MACROD2: variants seen among roughly 807,000 people sequenced by gnomAD.
MACROD2 encodes ADP-ribose glycohydrolase MACROD2.
Under a neutral mutation model 70.4 loss-of-function variants are expected in MACROD2, and 36 were observed. The observed-to-expected ratio is 0.51, with a 90% CI of 0.39 to 0.68. MACROD2 has a LOEUF of 0.68. Ranked by LOEUF, MACROD2 falls within the 30% of genes least tolerant of loss-of-function variation. MACROD2 has a pLI of 0.00. For missense variants in MACROD2, 496 were observed against 538.4 expected (o/e 0.92, Z 0.78); for synonymous variants, 172 against 178.8 (o/e 0.96, Z 0.30).
intron 8 of MACROD2, among the ~76,000 whole-genome samples, chr20:15,548,688 C>G (rs1257377711): frequency 6.6e-6 from 1 of 152,160 alleles, no homozygotes; most frequent in East Asian, 1.9e-4. Flanking sequence ...GCCACTGCAC[C>G]CGGCCAGTGA....
intron 1 of MACROD2, among the ~76,000 whole-genome samples, chr20:14,001,702 A>G (rs1414593443): frequency 6.6e-6 from 1 of 152,100 alleles, no homozygotes; most frequent in Non-Finnish European, 1.5e-5. Context: ...GGGAGCTTTT[A>G]CTTACAGGGC....
intron 9 of MACROD2, among the ~76,000 whole-genome samples, chr20:15,876,959 T>C (rs1188955575): frequency 6.6e-6 from 1 of 152,168 alleles, no homozygotes; most frequent in African/African-American, 2.4e-5. Flanking sequence ...CATAATCCAC[T>C]GCAATAACGT....
At chr20:15,141,218 G>C (rs2076189610) in intron 5 of MACROD2, among the ~76,000 whole-genome samples, 1 of 151,572 alleles carries the variant, frequency 6.6e-6, no homozygotes, top group African/African-American at 2.4e-5. Flanking sequence ...ATATACATGT[G>C]TTTGCATAAG....
At chr20:15,071,894 G>A (rs980160847) in intron 5 of MACROD2, among the ~76,000 whole-genome samples, 10 of 151,934 alleles carry the variant, frequency 6.6e-5, no homozygotes, top group Admixed American at 1.3e-4. Flanking sequence ...GTATGCATTT[G>A]GCTTCATTTC....
intron 5 of MACROD2, among the ~76,000 whole-genome samples, chr20:14,904,535 A>C (rs1222094329): frequency 6.6e-6 from 1 of 152,178 alleles, no homozygotes; most frequent in African/African-American, 2.4e-5. Flanking sequence ...AATGTATATA[A>C]CTAAAAAAAT....
intron 7 of MACROD2, among the ~76,000 whole-genome samples, chr20:15,459,544 A>G (rs377548927): frequency 8.3e-4 from 126 of 152,226 alleles, no homozygotes; most frequent in African/African-American, 2.9e-3. Flanking sequence ...TAATTATCCA[A>G]GAAGGTTTCA....
At chr20:15,095,042 C>A (rs1476919128) in intron 5 of MACROD2, among the ~76,000 whole-genome samples, 1 of 116,270 alleles carries the variant, frequency 8.6e-6, no homozygotes, top group Non-Finnish European at 1.9e-5. Flanking sequence ...ATTGTTATAT[C>A]TTTTCACTGT....
At position 15,577,874 on chromosome 20, in the gene MACROD2, A is replaced by G. The variant is rs1236523856; in HGVS notation, c.645+78027A>G. Among the ~76,000 whole-genome samples, 4 of 152,296 alleles carry G rather than the reference A, an allele frequency of 2.6e-5. No homozygotes were observed. In the East Asian group the frequency reaches 7.7e-4, roughly 29 times the overall value. On this transcript the variant is annotated intron_variant, in intron 8 of 17. Transcript: ENST00000684519. ...ATTTCCTTTTCACTGTTGATTGTGA[A>G]CCATCCTTCACTGAAAGTAAATAAC...
chr20:14,794,811 A>G (rs369653463), intron 5 of MACROD2, among the ~76,000 whole-genome samples: 1 of 152,264 alleles, frequency 6.6e-6, no homozygotes. Flanking sequence ...GGGAGCACAT[A>G]TTCTAGTGGA....
chr20:15,164,346 A>C (rs140420286), intron 5 of MACROD2, among the ~76,000 whole-genome samples: 5 of 152,212 alleles, frequency 3.3e-5, no homozygotes, highest in Admixed American at 3.3e-4. Flanking sequence ...CATTTTTTAT[A>C]AGGGACTTCA....
At chr20:14,638,215 T>C (rs1201594865) in intron 4 of MACROD2, among the ~76,000 whole-genome samples, 1 of 152,216 alleles carries the variant, frequency 6.6e-6, no homozygotes, top group Non-Finnish European at 1.5e-5. Context: ...AACCTTACAG[T>C]AATCATTTTT....
chr20:14,181,100 C>G (rs1350670593), intron 3 of MACROD2, among the ~76,000 whole-genome samples: 1 of 148,808 alleles, frequency 6.7e-6, no homozygotes, highest in Non-Finnish European at 1.5e-5. Flanking sequence ...GGGTCTCTCT[C>G]TCTGTTGCCC....
rs868376395 is a variant in MACROD2 at position 14,477,229 on chromosome 20, C to T, written c.272-16250C>T. On this transcript the variant is annotated intron_variant, in intron 3 of 17. Transcript: ENST00000684519. ...TAAGAAAACAGGAAGCTTCAAGATT[C>T]CAGGGAGTTCAATCAAAACATACAA... 7.2e-5 allele frequency among the ~76,000 whole-genome samples: 11 copies of T among 152,022 alleles called. 1 individual carries two copies. The South Asian group carries it at 8.3e-4, about 11-fold the overall frequency.
intron 8 of MACROD2, among the ~76,000 whole-genome samples, chr20:15,522,544 G>T (rs1448442588): frequency 1.3e-5 from 2 of 152,302 alleles, no homozygotes; most frequent in African/African-American, 2.4e-5. Flanking sequence ...TGAAAAATGT[G>T]TATTACTGTG....
chr20:16,039,878 A>G (rs2067285422), intron 15 of MACROD2, among the ~76,000 whole-genome samples: 1 of 151,816 alleles, frequency 6.6e-6, no homozygotes, highest in South Asian at 2.1e-4. Context: ...TGAGGAGACC[A>G]TGAGTCCTTT....
intron 15 of MACROD2, among the ~76,000 whole-genome samples, chr20:16,025,337 G>A (rs578088498): frequency 6.6e-6 from 1 of 152,296 alleles, no homozygotes; most frequent in East Asian, 1.9e-4. Context: ...ATGAGGCAAG[G>A]AGGCAAAGCC....
intron 8 of MACROD2, among the ~76,000 whole-genome samples, chr20:15,528,118 G>T (rs1284003252): frequency 1.3e-5 from 2 of 148,870 alleles, no homozygotes; most frequent in Non-Finnish European, 2.9e-5. Flanking sequence ...CCCTCCAGGG[G>T]TATTTGGCAA....
At chr20:14,380,485 A>G (rs2083410898) in intron 3 of MACROD2, among the ~76,000 whole-genome samples, 1 of 152,038 alleles carries the variant, frequency 6.6e-6, no homozygotes, top group South Asian at 2.1e-4. Flanking sequence ...CTCAATTGCC[A>G]AATCCAAGAT....
chr20:15,530,894 CACTTAT>C (rs1028455874), intron 8 of MACROD2, among the ~76,000 whole-genome samples: 2 of 151,488 alleles, frequency 1.3e-5, no homozygotes, highest in Non-Finnish European at 2.9e-5. Context: ...TATTTGACAC[CACTTAT>C]TGGTTTATTC....
Sources: allele counts gnomAD v4.1 joint callset (sites outside exome capture counted in the v4.1 genomes callset), GRCh38; gene constraint gnomAD v4.1.1; transcripts MANE v1.5; gene names NCBI Gene and HGNC (gene_info 2026-07-23, HGNC 2026-07-21).